The following PCDHA2 variants were observed in gnomAD, a reference collection of about 807,000 sequenced individuals.
The protein encoded by PCDHA2 is protocadherin alpha 2.
A neutral mutation model predicts 66.0 loss-of-function variants in PCDHA2; 58 were observed. The ratio of observed to expected loss-of-function variants is 0.88; its 90% confidence interval spans 0.71 to 1.09. PCDHA2 has a LOEUF of 1.09. Ranked by LOEUF, PCDHA2 falls within the 50% of genes least tolerant of loss-of-function variation. The pLI is 0.00. For missense variants in PCDHA2, 1,267 were observed against 1,242.3 expected (o/e 1.02, Z -0.30); for synonymous variants, 634 against 554.0 (o/e 1.14, Z -2.03).
intron 1 of PCDHA2, among the ~76,000 whole-genome samples, chr5:140,845,336 T>C (rs2150378543): frequency 6.7e-6 from 1 of 149,694 alleles, no homozygotes; most frequent in Non-Finnish European, 1.5e-5. Context: ...TACTGAATTC[T>C]CCTAAACATT....
rs373518493 is a variant in PCDHA2, at chr5:140,883,950, A to T, written c.2388+86598A>T. 129 of 1,613,288 alleles carry T rather than the reference A, an allele frequency of 8.0e-5. 1 individual carries two copies. In the East Asian group the frequency reaches 1.2e-3, roughly 15 times the overall value. Reference sequence around the variant, plus strand: ...GTGTTCGTGCTGGACGAGAACGACAACGCTCCGGCGCTGCTGACGCCCGGG... The same window carrying T: ...GTGTTCGTGCTGGACGAGAACGACATCGCTCCGGCGCTGCTGACGCCCGGG... On this transcript the variant is annotated intron_variant, in intron 1 of 3. Coordinates refer to ENST00000526136, the MANE Select transcript of PCDHA2 (RefSeq NM_018905.3).
At chr5:140,806,935 T>C in intron 1 of PCDHA2, 1 of 553,700 alleles carries the variant, frequency 1.8e-6, no homozygotes, top group Non-Finnish European at 3.2e-6. Context: ...CCAAGTAGTT[T>C]ACAGTAGAGT....
In PCDHA2 at chr5:140,852,554, C is replaced by T. The variant is rs2150518333; in HGVS notation, c.2388+55202C>T. On this transcript the variant is annotated intron_variant, in intron 1 of 3. Coordinates refer to ENST00000526136, the MANE Select transcript of PCDHA2 (RefSeq NM_018905.3). ...GCCTCCCAAAGTGCTGGGATTAAAG[C>T]TGTGAGCCACTGTGCCAAGGCTTTT... The T allele has an allele frequency of 2.3e-3, 1,476 of 640,248 alleles. 60 individuals are homozygous for T. The highest frequency in any genetic ancestry group is 1.6e-3 in the Non-Finnish European group (826 of 501,678). 39.7% of individuals were successfully genotyped at this position (640,248 alleles called of 1,614,324 possible).
At position 140,830,179 on chromosome 5, in the gene PCDHA2, C is replaced by T. The variant is rs2150182453; in HGVS notation, c.2388+32827C>T. The T allele has an allele frequency of 6.2e-6, 10 of 1,613,648 alleles. No homozygotes were observed. In the South Asian group the frequency reaches 9.9e-5, roughly 16 times the overall value. On this transcript the variant is annotated intron_variant, in intron 1 of 3. Transcript: ENST00000526136. ...GCCCAGAGGCGGCGCTGGTGGATGT[C>T]AACGTGTACCTGATCATCGCCATCT...
intron 1 of PCDHA2, among the ~76,000 whole-genome samples, chr5:140,947,165 T>C (rs1034105702): frequency 6.6e-6 from 1 of 151,228 alleles, no homozygotes. Context: ...GGGTAGAAAA[T>C]GTGGTATATA....
At chr5:140,968,609 G>C (rs1554230915) in intron 1 of PCDHA2, 1 of 1,614,194 alleles carries the variant, frequency 6.2e-7, no homozygotes, top group Admixed American at 1.7e-5. Context: ...CTCAGACTCT[G>C]GGCAAAATGC....
intron 1 of PCDHA2, chr5:140,851,311 T>C (rs1484638965): frequency 1.0e-6 from 1 of 1,000,128 alleles, no homozygotes; most frequent in Non-Finnish European, 1.2e-6. Context: ...TAGCAATTGT[T>C]ACCTTGTTAA....
At chr5:140,853,861 T>C in intron 1 of PCDHA2, 1 of 984,790 alleles carries the variant, frequency 1.0e-6, no homozygotes, top group Non-Finnish European at 1.2e-6. Flanking sequence ...TATTTGATAC[T>C]TGACAGTGCA....
At chr5:140,874,354 T>C (rs1554167160) in intron 1 of PCDHA2, among the ~76,000 whole-genome samples, 5 of 152,214 alleles carry the variant, frequency 3.3e-5, no homozygotes, top group Non-Finnish European at 7.3e-5. Context: ...TGATCTTGAA[T>C]TAATGAATAA....
At chr5:140,822,311 T>TA (rs1356931430) in intron 1 of PCDHA2, 2 of 1,614,072 alleles carry the variant, frequency 1.2e-6, no homozygotes, top group African/African-American at 2.7e-5. Flanking sequence ...TATTTTGACT[T>TA]AGATGTTAAA....
chr5:140,984,056 G>T (rs569184437), intron 3 of PCDHA2, among the ~76,000 whole-genome samples: 1 of 152,200 alleles, frequency 6.6e-6, no homozygotes, highest in Non-Finnish European at 1.5e-5. Context: ...TGACAAATCT[G>T]TACCCTCAGT....
intron 1 of PCDHA2, among the ~76,000 whole-genome samples, chr5:140,820,611 C>T (rs1018838702): frequency 1.3e-5 from 2 of 151,858 alleles, no homozygotes; most frequent in African/African-American, 4.8e-5. Context: ...AGGTCGTGTT[C>T]AAATCATACC....
chr5:140,822,140 T>A (rs2150114036), intron 1 of PCDHA2: 5 of 1,614,222 alleles, frequency 3.1e-6, no homozygotes, highest in Non-Finnish European at 4.2e-6. Flanking sequence ...GAGGTGGCAG[T>A]GAAGGACATC....
chr5:140,856,170 G>T, intron 1 of PCDHA2: 1 of 1,598,322 alleles, frequency 6.3e-7, no homozygotes, highest in Non-Finnish European at 8.6e-7. Context: ...GCCAGACACG[G>T]CACCTTCGTG....
rs530240100 is a variant in PCDHA2 at position 140,875,788 on chromosome 5, C to T, written c.2388+78436C>T. 5 of 1,614,194 alleles carry T rather than the reference C, an allele frequency of 3.1e-6. No individual in the cohort carries two copies. In the Admixed American group the frequency reaches 5.0e-5, roughly 16 times the overall value. The stretch of plus-strand genomic sequence containing the variant: ...GCGGAGCGCGGAGTGCAGTATCCAC[C>T]TGGAGGTGATCGTGGACAGGCCGCT... On this transcript the variant is annotated intron_variant, in intron 1 of 3. Coordinates refer to ENST00000526136, the MANE Select transcript of PCDHA2 (RefSeq NM_018905.3).
intron 1 of PCDHA2, among the ~76,000 whole-genome samples, chr5:140,901,810 T>C (rs2068911855): frequency 6.6e-6 from 1 of 152,336 alleles, no homozygotes; most frequent in African/African-American, 2.4e-5. Flanking sequence ...ATTTTTACAA[T>C]ATTGATTCTT....
At chr5:140,877,490 G>T (rs2057160256) in intron 1 of PCDHA2, 2 of 1,613,718 alleles carry the variant, frequency 1.2e-6, no homozygotes, top group Non-Finnish European at 1.7e-6. Flanking sequence ...GTGGAGAACG[G>T]CCAGGCCCCA....
In PCDHA2 at chr5:140,877,377, C is replaced by A. The variant is rs575601254; in HGVS notation, c.2388+80025C>A. 8.1e-6 allele frequency: 13 copies of A among 1,614,008 alleles called. No homozygotes were observed. The South Asian group carries it at 1.1e-4, about 14-fold the overall frequency. ...ACACTGGCGAGATCAGCACGACACG[C>A]ATCCTGGATGAGGCGGACGCTCCGC... On this transcript the variant is annotated intron_variant, in intron 1 of 3. Transcript: ENST00000526136.
rs2150385569 is a variant in PCDHA2 at position 140,846,184 on chromosome 5, G to T, written c.2388+48832G>T. 1.3e-5 allele frequency among the ~76,000 whole-genome samples: 2 copies of T among 149,364 alleles called. 1 individual carries two copies. Among genetic ancestry groups the T allele is most frequent in the Non-Finnish European group, 3.0e-5 (2 of 66,864 alleles). ...CCTGCAGAGGCCTGAGTAGGCGTTT[G>T]AGTTCTTTGTATGTATGAGATCTTT... On this transcript the variant is annotated intron_variant, in intron 1 of 3. Coordinates refer to ENST00000526136, the MANE Select transcript of PCDHA2 (RefSeq NM_018905.3).
Sources: allele counts gnomAD v4.1 joint callset (sites outside exome capture counted in the v4.1 genomes callset), GRCh38; gene constraint gnomAD v4.1.1; transcripts MANE v1.5; gene names NCBI Gene and HGNC (gene_info 2026-07-23, HGNC 2026-07-21).